MEGF11: variants seen among roughly 807,000 people sequenced by gnomAD.
MEGF11 encodes the protein multiple EGF like domains 11.
Under a neutral mutation model 146.6 loss-of-function variants are expected in MEGF11, and 126 were observed. That is an observed-to-expected ratio of 0.86 (90% CI 0.74 to 1.00). The LOEUF is 1.00. Among genes scored for constraint, MEGF11 ranks in the 50% least tolerant of loss-of-function variants. The pLI is 0.00. For missense variants in MEGF11, 1,509 were observed against 1,521.2 expected, an observed-to-expected ratio of 0.99 and a Z score of 0.13; for synonymous variants, 532 against 583.4, an observed-to-expected ratio of 0.91 and a Z score of 1.27.
rs181365460 is a variant in MEGF11, at chr15:66,154,333, C to T, written c.-8-25922G>A. Among the ~76,000 whole-genome samples the T allele has an allele frequency of 1.8e-3, 274 of 152,302 alleles. 2 individuals carry two copies. Among genetic ancestry groups the T allele is most frequent in the Admixed American group, 0.016 (247 of 15,306 alleles). On this transcript the variant is annotated intron_variant, in intron 1 of 25. Transcript: ENST00000395614. ...ACACTCCATTCTGCTGTACTGAAGT[C>T]GGCCCAGCTCTCAGCCATCTCTTCT... is the stretch of plus-strand genomic sequence containing the variant.
intron 1 of MEGF11, among the ~76,000 whole-genome samples, chr15:66,179,816 C>A (rs1174627552): frequency 6.1e-5 from 9 of 148,578 alleles, no homozygotes; most frequent in Non-Finnish European, 9.0e-5. Flanking sequence ...TGCCACCACC[C>A]CCCCACCCCC....
chr15:66,237,884 A>T (rs1264908561), intron 1 of MEGF11, among the ~76,000 whole-genome samples: 1 of 152,216 alleles, frequency 6.6e-6, no homozygotes, highest in Non-Finnish European at 1.5e-5. Flanking sequence ...CTTCTGTGGC[A>T]TTAGATGTAT....
At chr15:66,028,391 A>G (rs2083409247) in intron 5 of MEGF11, among the ~76,000 whole-genome samples, 2 of 152,208 alleles carry the variant, frequency 1.3e-5, no homozygotes, top group South Asian at 2.1e-4. Context: ...AATAACATGC[A>G]CTGCTGACAA....
chr15:66,141,182 C>T (rs1054091648), intron 1 of MEGF11, among the ~76,000 whole-genome samples: 4 of 150,410 alleles, frequency 2.7e-5, no homozygotes, highest in Non-Finnish European at 5.9e-5. Flanking sequence ...TCAGGACTAC[C>T]GGCTTGTCCA....
At position 66,134,079 on chromosome 15, in the gene MEGF11, G is replaced by A. The variant is rs974994450; in HGVS notation, c.-8-5668C>T. Among the ~76,000 whole-genome samples, 8 of 152,118 alleles carry A rather than the reference G, an allele frequency of 5.3e-5. No homozygotes were observed. In the East Asian group the frequency reaches 9.6e-4, roughly 18 times the overall value. On this transcript the variant is annotated intron_variant, in intron 1 of 25. Transcript: ENST00000395614. The stretch of plus-strand genomic sequence containing the variant: ...TGAGGGTTGCAGCCACCATTAATCA[G>A]GGTCAAGAGACTGTCCTGTCCCCTG...
At chr15:66,024,106 G>A (rs879686012) in intron 5 of MEGF11, among the ~76,000 whole-genome samples, 1 of 152,272 alleles carries the variant, frequency 6.6e-6, no homozygotes, top group Non-Finnish European at 1.5e-5. Flanking sequence ...GGAACCCAGA[G>A]CAGAGTGAGG....
chr15:66,006,210 G>A (rs561904051), intron 5 of MEGF11, among the ~76,000 whole-genome samples: 1 of 152,278 alleles, frequency 6.6e-6, no homozygotes, highest in Non-Finnish European at 1.5e-5. Context: ...ACTGGGGAGA[G>A]ATGGGAATCA....
rs141187334 is a variant in MEGF11 at position 66,022,156 on chromosome 15, G to A, written c.395-39668C>T. On this transcript the variant is annotated intron_variant, in intron 5 of 25. Transcript: ENST00000395614. ...CTGGCCCTGGGTCATGGATGGCTGA[G>A]CTCAGGGCTCCTTCCTGCAGACAGA... 6.2e-3 allele frequency among the ~76,000 whole-genome samples: 942 copies of A among 152,350 alleles called. 9 individuals are homozygous for A. The highest frequency in any genetic ancestry group is 0.01 in the Non-Finnish European group (686 of 68,026).
intron 4 of MEGF11, among the ~76,000 whole-genome samples, chr15:66,099,836 CT>C (rs2086712486): frequency 1.3e-5 from 2 of 152,272 alleles, no homozygotes; most frequent in South Asian, 4.2e-4. Flanking sequence ...ATAGAATGGC[CT>C]GCGTTAGGCA....
chr15:66,219,709 C>CA (rs56665844), intron 1 of MEGF11, among the ~76,000 whole-genome samples: 116,602 of 151,016 alleles, frequency 0.77, 46,361 homozygotes, highest in Admixed American at 0.87. Flanking sequence ...AAAAACAAAA[C>CA]AAAAAAAAAC....
intron 5 of MEGF11, among the ~76,000 whole-genome samples, chr15:65,998,368 A>G (rs1169273700): frequency 6.6e-6 from 1 of 152,152 alleles, no homozygotes; most frequent in Non-Finnish European, 1.5e-5. Context: ...CCTGCCAGGT[A>G]AGAAAGACAC....
intron 19 of MEGF11, 92 bp downstream of exon 19, chr15:65,915,378 A>T: frequency 6.8e-7 from 1 of 1,481,306 alleles, no homozygotes; most frequent in Non-Finnish European, 9.1e-7. Context: ...AAAGGGAAGT[A>T]TCATCAAATC....
In MEGF11 at chr15:66,119,265, A is replaced by G. The variant is rs1039287975; in HGVS notation, c.201-79T>C. 291 of 959,328 alleles carry G rather than the reference A, an allele frequency of 3.0e-4. 2 individuals carry two copies. Among genetic ancestry groups the G allele is most frequent in the Middle Eastern group, 1.9e-3 (9 of 4,808 alleles). 59.4% of individuals were successfully genotyped at this position (959,328 alleles called of 1,614,324 possible). On this transcript the variant is annotated intron_variant, in intron 3 of 25. Coordinates refer to ENST00000395614, the MANE Select transcript of MEGF11 (RefSeq NM_001385028.1). ...TTTAGAATGATATTTGTGTTAAGCT[A>G]TATTGAGGATGCCATTCAATAATTA... is the stretch of plus-strand genomic sequence containing the variant.
chr15:65,922,730 C>G, intron 14 of MEGF11, 93 bp downstream of exon 14: 1 of 1,459,956 alleles, frequency 6.8e-7, no homozygotes, highest in Non-Finnish European at 9.3e-7. Context: ...GATTCAAGAG[C>G]CCAGCCTCTC....
chr15:66,018,665 G>A (rs1260543024), intron 5 of MEGF11, among the ~76,000 whole-genome samples: 1 of 114,244 alleles, frequency 8.8e-6, no homozygotes, highest in Non-Finnish European at 1.9e-5. Context: ...ATGCGTGGGT[G>A]AGGGTGTCTG....
chr15:66,099,749 C>T (rs996121076), intron 4 of MEGF11, among the ~76,000 whole-genome samples: 2 of 152,206 alleles, frequency 1.3e-5, no homozygotes, highest in East Asian at 3.8e-4. Flanking sequence ...TAATATTCCT[C>T]TTCCCAGGAC....
At chr15:66,124,348 T>C (rs1311678063) in intron 2 of MEGF11, among the ~76,000 whole-genome samples, 2 of 152,358 alleles carry the variant, frequency 1.3e-5, no homozygotes, top group East Asian at 1.9e-4. Flanking sequence ...AAATATGTGA[T>C]TGTTCATATC....
At chr15:66,221,175 A>T (rs1311561541) in intron 1 of MEGF11, among the ~76,000 whole-genome samples, 2 of 152,030 alleles carry the variant, frequency 1.3e-5, no homozygotes, top group Non-Finnish European at 2.9e-5. Flanking sequence ...ACGGCAGGGT[A>T]ACAGCCTGCA....
intron 1 of MEGF11, among the ~76,000 whole-genome samples, chr15:66,151,141 C>G (rs1310296959): frequency 6.6e-6 from 1 of 152,124 alleles, no homozygotes; most frequent in Non-Finnish European, 1.5e-5. Context: ...AGTGTCCTGA[C>G]CAGCTGAGAC....
Sources: gnomAD v4.1 joint callset for allele counts (sites outside exome capture counted in the v4.1 genomes callset) on GRCh38, gnomAD v4.1.1 for gene constraint, MANE v1.5 for transcripts, NCBI Gene and HGNC (gene_info 2026-07-23, HGNC 2026-07-21) for gene names.